Variants in DSCAML1 observed in about 807,000 individuals in gnomAD.
DSCAML1 encodes cell adhesion molecule DSCAML1.
Under a neutral mutation model 200.5 loss-of-function variants are expected in DSCAML1, and 38 were observed. That is an observed-to-expected ratio of 0.19 (90% CI 0.15 to 0.25). The LOEUF (loss-of-function observed/expected upper bound fraction) is 0.25. Among genes scored for constraint, DSCAML1 ranks in the 10% least tolerant of loss-of-function variants. The pLI is 1.00. For missense variants in DSCAML1, 2,223 were observed against 2,858.8 expected, an observed-to-expected ratio of 0.78 and a Z score of 5.07; for synonymous variants, 1,215 against 1,165.0, an observed-to-expected ratio of 1.04 and a Z score of -0.87.
intron 3 of DSCAML1, among the ~76,000 whole-genome samples, chr11:117,550,585 A>T (rs2050450472): frequency 6.6e-6 from 1 of 152,174 alleles, no homozygotes; most frequent in South Asian, 2.1e-4. Flanking sequence ...GGTATAATAG[A>T]TGATTTCTGC....
intron 3 of DSCAML1, among the ~76,000 whole-genome samples, chr11:117,588,404 C>T (rs1591297929): frequency 1.3e-5 from 2 of 152,184 alleles, no homozygotes; most frequent in African/African-American, 4.8e-5. Flanking sequence ...CCTTAGGTAG[C>T]CTGTGCACCT....
chr11:117,695,319 T>C lies in DSCAML1; in HGVS notation c.511+81472A>G, dbSNP rs200297553. On this transcript the variant is annotated intron_variant, in intron 3 of 32. Transcript: ENST00000651296. The stretch of plus-strand genomic sequence containing the variant: ...TTCTTTTCTTTCTTTCTTTTTCTTT[T>C]TTTTTTTTTTTTTTTGCTAACCAAC... 1.3e-3 allele frequency among the ~76,000 whole-genome samples: 189 copies of C among 147,334 alleles called. 1 individual carries two copies. The highest frequency in any genetic ancestry group is 3.5e-3 in the Middle Eastern group (1 of 288).
intron 3 of DSCAML1, among the ~76,000 whole-genome samples, chr11:117,612,992 C>T (rs1285042105): frequency 3.3e-5 from 5 of 152,116 alleles, no homozygotes; most frequent in African/African-American, 4.8e-5. Flanking sequence ...CTGAAAGCCA[C>T]GGAGGTTAGA....
chr11:117,754,696 G>T (rs1366302032), intron 3 of DSCAML1, among the ~76,000 whole-genome samples: 1 of 152,178 alleles, frequency 6.6e-6, no homozygotes, highest in Non-Finnish European at 1.5e-5. Flanking sequence ...TCAGGAGGGA[G>T]TCATATGGGG....
chr11:117,578,660 A>G (rs1348868517), intron 3 of DSCAML1, among the ~76,000 whole-genome samples: 1 of 152,146 alleles, frequency 6.6e-6, no homozygotes, highest in African/African-American at 2.4e-5. Context: ...ACAGAGCAAG[A>G]TGTGGTCTCA....
At chr11:117,623,365 C>T (rs1233859364) in intron 3 of DSCAML1, among the ~76,000 whole-genome samples, 2 of 151,888 alleles carry the variant, frequency 1.3e-5, no homozygotes, top group Admixed American at 6.6e-5. Flanking sequence ...TACAGGAGTG[C>T]GCCATGACAC....
At chr11:117,710,770 C>G (rs1050248731) in intron 3 of DSCAML1, among the ~76,000 whole-genome samples, 2 of 152,122 alleles carry the variant, frequency 1.3e-5, no homozygotes, top group African/African-American at 4.8e-5. Context: ...TCGGCTGAGC[C>G]CAGCACTTGG....
At chr11:117,528,777 G>C (rs893343000) in intron 4 of DSCAML1, among the ~76,000 whole-genome samples, 2 of 152,174 alleles carry the variant, frequency 1.3e-5, no homozygotes, top group Non-Finnish European at 2.9e-5. Context: ...GGGACAGAGT[G>C]AGTTAATACA....
intron 17 of DSCAML1, among the ~76,000 whole-genome samples, chr11:117,464,645 C>T (rs1406956282): frequency 1.3e-5 from 2 of 152,094 alleles, no homozygotes; most frequent in African/African-American, 2.4e-5. Context: ...AAGGGAGAAG[C>T]GTGGATGGGG....
chr11:117,432,615 A>G, intron 29 of DSCAML1, 111 bp from the exon 30 acceptor site: 2 of 1,309,218 alleles, frequency 1.5e-6, no homozygotes, highest in Non-Finnish European at 1.1e-6. Context: ...TTGTTTGTGG[A>G]TTTGTTTGTT....
At chr11:117,511,957 C>T (rs987911948) in intron 8 of DSCAML1, among the ~76,000 whole-genome samples, 3 of 152,256 alleles carry the variant, frequency 2.0e-5, no homozygotes, top group Non-Finnish European at 4.4e-5. Flanking sequence ...GCATGTTGGG[C>T]GTGTGCTGCT....
chr11:117,716,034 C>T (rs771357757), intron 3 of DSCAML1, among the ~76,000 whole-genome samples: 12 of 152,182 alleles, frequency 7.9e-5, no homozygotes, highest in South Asian at 2.1e-4. Context: ...GCATTAGCAG[C>T]GATTTATCAT....
chr11:117,490,315 A>G (rs928786199), intron 11 of DSCAML1, among the ~76,000 whole-genome samples: 1 of 152,036 alleles, frequency 6.6e-6, no homozygotes, highest in African/African-American at 2.4e-5. Flanking sequence ...ACCAGCTGCT[A>G]TTTACATTTT....
rs748066834 is a variant in DSCAML1, at chr11:117,532,408, C to T, written c.626G>A (p.Arg209Gln). Residue 209 changes from arginine (R) to glutamine (Q), a missense_variant, in exon 4 of 33, where the codon CGG becomes CAG. By Grantham distance (43) the Arg-to-Gln change is conservative. Transcript: ENST00000651296. Reference sequence around the variant, plus strand: ...AGAGAGGCGTGCCCCATTGCTCTGCCGGGTCTCCCCGCTATACTTGTGCTT... The same window carrying T: ...AGAGAGGCGTGCCCCATTGCTCTGCTGGGTCTCCCCGCTATACTTGTGCTT... Reference protein sequence around the residue: ...ITKHKYSGETRQSNGARLSVT... With the variant: ...ITKHKYSGETQQSNGARLSVT... The T allele has an allele frequency of 8.1e-6, 13 of 1,613,980 alleles. No homozygotes were observed. Among genetic ancestry groups the T allele is most frequent in the South Asian group, 2.2e-5 (2 of 91,072 alleles).
At chr11:117,598,742 C>G (rs1432131662) in intron 3 of DSCAML1, among the ~76,000 whole-genome samples, 1 of 152,118 alleles carries the variant, frequency 6.6e-6, no homozygotes, top group Admixed American at 6.6e-5. Flanking sequence ...GTCTGTGTGG[C>G]AAGGAGGGGC....
chr11:117,586,333 C>T (rs553060015), intron 3 of DSCAML1, among the ~76,000 whole-genome samples: 36 of 152,324 alleles, frequency 2.4e-4, no homozygotes, highest in African/African-American at 7.0e-4. Context: ...GCCTCCAAGG[C>T]GCATGTAACA....
chr11:117,652,552 C>T (rs998998911), intron 3 of DSCAML1, among the ~76,000 whole-genome samples: 29 of 152,216 alleles, frequency 1.9e-4, no homozygotes. Flanking sequence ...ACACCTGAGG[C>T]AGCCACAGCT....
intron 3 of DSCAML1, among the ~76,000 whole-genome samples, chr11:117,732,978 A>G (rs2054250791): frequency 6.6e-6 from 1 of 152,174 alleles, no homozygotes. Context: ...CAGAGCCTCC[A>G]AGAGCCACAT....
At chr11:117,621,224 A>C (rs1232700835) in intron 3 of DSCAML1, among the ~76,000 whole-genome samples, 11 of 152,218 alleles carry the variant, frequency 7.2e-5, no homozygotes, top group Non-Finnish European at 5.9e-5. Context: ...CATGTTACTT[A>C]AAATATTTTA....
Sources: allele counts gnomAD v4.1 joint callset (sites outside exome capture counted in the v4.1 genomes callset), GRCh38; gene constraint gnomAD v4.1.1; transcripts MANE v1.5; gene names NCBI Gene and HGNC (gene_info 2026-07-23, HGNC 2026-07-21).